JAKMIP1: variants seen among roughly 807,000 people sequenced by gnomAD.
JAKMIP1 encodes the protein janus kinase and microtubule-interacting protein 1.
JAKMIP1 carries 33 observed loss-of-function variants against 113.0 expected under a neutral mutation model. The observed-to-expected ratio is 0.29, with a 90% CI of 0.22 to 0.39. The LOEUF (loss-of-function observed/expected upper bound fraction) is 0.39. JAKMIP1 is among the 10% of genes least tolerant of loss of function. JAKMIP1 has a pLI of 1.00. For synonymous variants in JAKMIP1, 480 were observed against 459.9 expected, an observed-to-expected ratio of 1.04 and a Z score of -0.56; for missense variants, 813 against 1,080.5, an observed-to-expected ratio of 0.75 and a Z score of 3.47.
At position 6,162,221 on chromosome 4, in the gene JAKMIP1, C is replaced by T. The variant is rs964200586; in HGVS notation, c.-148+38032G>A. ...GGGCAGTGGGAGCGACTGCAGACCA[C>T]TGGTCTTATGAGGAATGGGACCTCT... On this transcript the variant is annotated intron_variant, in intron 1 of 20. Transcript: ENST00000409021. This position sits in a 1 kb window ranked among gnomAD's most constrained non-coding sequence, Gnocchi z 5.6. Among the ~76,000 whole-genome samples, 1 of 152,166 alleles carries T rather than the reference C, an allele frequency of 6.6e-6. No individual in the cohort carries two copies. Among genetic ancestry groups the T allele is most frequent in the Non-Finnish European group, 1.5e-5 (1 of 68,020 alleles).
Position 6,060,523 on chromosome 4 carries a change from C to T in JAKMIP1, c.1561-16G>A. 2 of 1,606,820 alleles carry T rather than the reference C, an allele frequency of 1.2e-6. No individual in the cohort carries two copies. The highest frequency in any genetic ancestry group is 1.7e-6 in the Non-Finnish European group (2 of 1,173,478). ...GCTCCCGAGTCTGGAAGGGAAAAGACCAGGCAGTGAGCAGGTCACCTCCAA... is the reference window on the plus strand; with the variant it reads ...GCTCCCGAGTCTGGAAGGGAAAAGATCAGGCAGTGAGCAGGTCACCTCCAA... On this transcript the variant is annotated splice_polypyrimidine_tract_variant and intron_variant, in intron 10 of 20. Coordinates refer to ENST00000409021, the MANE Select transcript of JAKMIP1 (RefSeq NM_001099433.2).
Position 6,143,814 on chromosome 4 carries a change from C to G in JAKMIP1, c.-147-30817G>C, listed in dbSNP as rs1255505040. 1.3e-5 allele frequency among the ~76,000 whole-genome samples: 2 copies of G among 152,188 alleles called. No homozygotes were observed. The highest frequency in any genetic ancestry group is 6.5e-5 in the Admixed American group (1 of 15,284). On this transcript the variant is annotated intron_variant, in intron 1 of 20. Coordinates refer to ENST00000409021, the MANE Select transcript of JAKMIP1 (RefSeq NM_001099433.2). The surrounding 1 kb of genome is among the most constrained non-coding windows in gnomAD (Gnocchi z 4.9). ...TATTTAAATAGAGAAGAAAAAAGAACAATTTCTGGTCATCAGGGAATAACA... is the reference window on the plus strand; with the variant it reads ...TATTTAAATAGAGAAGAAAAAAGAAGAATTTCTGGTCATCAGGGAATAACA...
intron 1 of JAKMIP1, among the ~76,000 whole-genome samples, chr4:6,115,375 AC>A (rs1357387496): frequency 6.6e-6 from 1 of 152,208 alleles, no homozygotes; most frequent in Non-Finnish European, 1.5e-5. Flanking sequence ...GTGCCATTGC[AC>A]CCCAGCCTGG....
At chr4:6,056,639 G>T in intron 12 of JAKMIP1, 58 bp downstream of exon 12, 3 of 1,355,782 alleles carry the variant, frequency 2.2e-6, no homozygotes, top group Non-Finnish European at 2.1e-6. Context: ...GTCTGAGCAG[G>T]CCCGCGGGGT....
chr4:6,028,798 C>T (rs373423713), intron 20 of JAKMIP1, among the ~76,000 whole-genome samples: 78 of 152,370 alleles, frequency 5.1e-4, no homozygotes, highest in African/African-American at 1.7e-3. Context: ...ATGGGTTCAG[C>T]GGCTCTCCAT....
At chr4:6,098,204 GTGGA>G (rs1712168915) in intron 3 of JAKMIP1, among the ~76,000 whole-genome samples, 1 of 152,198 alleles carries the variant, frequency 6.6e-6, no homozygotes, top group African/African-American at 2.4e-5. Context: ...GCCAAGACAG[GTGGA>G]TCACCTGAGG....
chr4:6,047,648 T>C (rs1311821431), intron 16 of JAKMIP1, among the ~76,000 whole-genome samples: 1 of 152,236 alleles, frequency 6.6e-6, no homozygotes. Flanking sequence ...CAACATTTAG[T>C]ATCCTTTACT....
At chr4:6,117,695 G>A (rs917309599) in intron 1 of JAKMIP1, among the ~76,000 whole-genome samples, 4 of 151,800 alleles carry the variant, frequency 2.6e-5, no homozygotes, top group Admixed American at 2.0e-4. Flanking sequence ...TTTCACCTCT[G>A]CAATCTTGAC....
At position 6,142,317 on chromosome 4, in the gene JAKMIP1, C is replaced by T. The variant is rs1720277680; in HGVS notation, c.-147-29320G>A. The stretch of plus-strand genomic sequence containing the variant: ...TCGAAGAGGCTCGTACCCATGTATG[C>T]CCGCACAGGCAGGGGAAAGGGAGCC... On this transcript the variant is annotated intron_variant, in intron 1 of 20. Coordinates refer to ENST00000409021, the MANE Select transcript of JAKMIP1 (RefSeq NM_001099433.2). The surrounding 1 kb of genome is among the most constrained non-coding windows in gnomAD (Gnocchi z 5.5). Among the ~76,000 whole-genome samples, 1 of 152,160 alleles carries T rather than the reference C, an allele frequency of 6.6e-6. No individual in the cohort carries two copies. The highest frequency in any genetic ancestry group is 1.5e-5 in the Non-Finnish European group (1 of 68,034).
chr4:6,047,223 G>T (rs1450005693), intron 16 of JAKMIP1, among the ~76,000 whole-genome samples: 2 of 152,252 alleles, frequency 1.3e-5, no homozygotes, highest in Admixed American at 6.5e-5. Context: ...CATCAAAGCG[G>T]ACACTGGTGG....
At chr4:6,198,141 A>G (rs1728043939) in intron 1 of JAKMIP1, among the ~76,000 whole-genome samples, 1 of 152,216 alleles carries the variant, frequency 6.6e-6, no homozygotes, top group Non-Finnish European at 1.5e-5. Context: ...CTTAAGGAAA[A>G]ACTACACAAA....
At position 6,176,444 on chromosome 4, in the gene JAKMIP1, C is replaced by T. The variant is rs1350822034; in HGVS notation, c.-148+23809G>A. Among the ~76,000 whole-genome samples the T allele has an allele frequency of 1.3e-5, 2 of 152,142 alleles. No individual in the cohort carries two copies. Among genetic ancestry groups the T allele is most frequent in the East Asian group, 1.9e-4 (1 of 5,196 alleles). The stretch of plus-strand genomic sequence containing the variant: ...CTGAACGGGACCAAGGAAGGATTTC[C>T]GATGTTCAGCTGTATTGTACATTTT... On this transcript the variant is annotated intron_variant, in intron 1 of 20. Transcript: ENST00000409021. This position sits in a 1 kb window ranked among gnomAD's most constrained non-coding sequence, Gnocchi z 5.5.
intron 1 of JAKMIP1, among the ~76,000 whole-genome samples, chr4:6,133,857 C>A (rs1310066771): frequency 6.6e-6 from 1 of 152,206 alleles, no homozygotes; most frequent in Non-Finnish European, 1.5e-5. Flanking sequence ...TCACATCACT[C>A]TTCTCTCTCT....
At chr4:6,105,447 C>T in intron 3 of JAKMIP1, 26 bp downstream of exon 3, 2 of 1,557,604 alleles carry the variant, frequency 1.3e-6, no homozygotes, top group South Asian at 1.2e-5. Flanking sequence ...CGCGTGCCCG[C>T]GGGCGGGGGA....
At position 6,155,389 on chromosome 4, in the gene JAKMIP1, T is replaced by G. The variant is rs572082117; in HGVS notation, c.-147-42392A>C. On this transcript the variant is annotated intron_variant, in intron 1 of 20. Transcript: ENST00000409021. This position sits in a 1 kb window ranked among gnomAD's most constrained non-coding sequence, Gnocchi z 6.1. ...TTATATTTAACCCTCAAGAGAACCC[T>G]AAAACATAGGTATTCTAGAGATTTA... Among the ~76,000 whole-genome samples the G allele has an allele frequency of 3.5e-4, 54 of 152,230 alleles. No homozygotes were observed. The highest frequency in any genetic ancestry group is 1.2e-3 in the African/African-American group (49 of 41,544).
rs1726056114 is a variant in JAKMIP1, at chr4:6,181,805, G to C, written c.-148+18448C>G. Among the ~76,000 whole-genome samples, 2 of 152,132 alleles carry C rather than the reference G, an allele frequency of 1.3e-5. No homozygotes were observed. Among genetic ancestry groups the C allele is most frequent in the South Asian group, 4.1e-4 (2 of 4,828 alleles). ...ATCTCACACAGCCCCTTCCCTCACA[G>C]AGCTCTAGCCAGCGGGGAAGAAGAC... On this transcript the variant is annotated intron_variant, in intron 1 of 20. Transcript: ENST00000409021. The surrounding 1 kb of genome is among the most constrained non-coding windows in gnomAD (Gnocchi z 5.4).
intron 1 of JAKMIP1, among the ~76,000 whole-genome samples, chr4:6,144,793 T>C (rs1356412718): frequency 6.6e-6 from 1 of 152,190 alleles, no homozygotes; most frequent in Non-Finnish European, 1.5e-5. Context: ...GGTGAAACAT[T>C]AACGCTTTCC....
intron 12 of JAKMIP1, among the ~76,000 whole-genome samples, chr4:6,056,304 A>G (rs1360515603): frequency 7.0e-6 from 1 of 142,252 alleles, no homozygotes; most frequent in African/African-American, 2.7e-5. Flanking sequence ...GGGGTCCCAG[A>G]GGTTGGGGCA....
At chr4:6,038,204 G>A (rs1388956742) in intron 18 of JAKMIP1, among the ~76,000 whole-genome samples, 1 of 142,362 alleles carries the variant, frequency 7.0e-6, no homozygotes, top group Non-Finnish European at 1.5e-5. Context: ...CTCCATCACC[G>A]AGGCAGAGGC....
Sources: gnomAD v4.1 joint callset for allele counts (sites outside exome capture counted in the v4.1 genomes callset) on GRCh38, gnomAD v4.1.1 for gene constraint, Gnocchi (gnomAD v3.1) non-coding constraint, MANE v1.5 for transcripts, NCBI Gene and HGNC (gene_info 2026-07-23, HGNC 2026-07-21) for gene names.